Variants in TMPRSS6 observed in about 807,000 individuals in gnomAD.
The protein encoded by TMPRSS6 is transmembrane protease serine 6.
A neutral mutation model predicts 101.5 loss-of-function variants in TMPRSS6; 67 were observed. The observed-to-expected ratio is 0.66, with a 90% CI of 0.54 to 0.81. The LOEUF (loss-of-function observed/expected upper bound fraction) is 0.81, where lower values mean the gene tolerates loss of function less well. Ranked by LOEUF, TMPRSS6 falls within the 30% of genes least tolerant of loss-of-function variation. The probability of loss-of-function intolerance (pLI) is 0.00; values close to 1 mark genes in which losing one functional copy is unlikely to be tolerated. For missense variants in TMPRSS6, 1,034 were observed against 1,088.7 expected, an observed-to-expected ratio of 0.95 and a Z score of 0.71; for synonymous variants, 453 against 464.9, an observed-to-expected ratio of 0.97 and a Z score of 0.33.
intron 7 of TMPRSS6, among the ~76,000 whole-genome samples, chr22:37,087,391 G>A (rs1214290076): frequency 6.6e-6 from 1 of 152,224 alleles, no homozygotes; most frequent in African/African-American, 2.4e-5. Context: ...TGGCAAGCGA[G>A]TACCTGAGCT....
chr22:37,095,642 AAAG>A, intron 5 of TMPRSS6, 50 bp from the exon 6 acceptor site: 7 of 1,518,304 alleles, frequency 4.6e-6, no homozygotes, highest in South Asian at 1.2e-5. Context: ...AAAAAAAAAA[AAAG>A]AAAAGAAAAT....
At chr22:37,097,214 A>G (rs1389440087) in intron 3 of TMPRSS6, among the ~76,000 whole-genome samples, 3 of 152,216 alleles carry the variant, frequency 2.0e-5, no homozygotes, top group Non-Finnish European at 4.4e-5. Flanking sequence ...TCCTGTTGTT[A>G]TCACCCCTAC....
At chr22:37,094,543 T>TGATAGATAGATAGATAGATA (rs6147615) in intron 6 of TMPRSS6, among the ~76,000 whole-genome samples, 21,429 of 150,728 alleles carry the variant, frequency 0.14, 1,802 homozygotes, top group African/African-American at 0.23. Flanking sequence ...TCAACAGAGA[T>TGATAGATAGATAGATAGATA]GATAGATAGA....
intron 10 of TMPRSS6, among the ~76,000 whole-genome samples, chr22:37,078,941 AGGAGAAGGAGAAAAAGAG>A (rs1927964614): frequency 1.7e-5 from 1 of 59,262 alleles, no homozygotes; most frequent in Non-Finnish European, 3.2e-5. Flanking sequence ...AAGAAGGAGA[AGGAGAAGGAGAAAAAGAG>A]AAAGAAAGAA....
Position 37,103,160 on chromosome 22 carries a change from T to C in TMPRSS6, c.202+56A>G. The stretch of plus-strand genomic sequence containing the variant: ...CCCAGTCCTGTCCTGCTGTGCCTGC[T>C]ACAGTCACCCCAAGTCCTCCCCAGG... On this transcript the variant is annotated intron_variant, in intron 2 of 17. Transcript: ENST00000676104. This position sits in a 1 kb window ranked among gnomAD's most constrained non-coding sequence, Gnocchi z 4.4. The C allele has an allele frequency of 6.3e-7, 1 of 1,581,380 alleles. No homozygotes were observed. The highest frequency in any genetic ancestry group is 8.7e-7 in the Non-Finnish European group (1 of 1,153,004).
At chr22:37,081,037 T>C (rs1928226518) in intron 10 of TMPRSS6, among the ~76,000 whole-genome samples, 2 of 152,250 alleles carry the variant, frequency 1.3e-5, no homozygotes, top group Non-Finnish European at 2.9e-5. Flanking sequence ...CTCAAAGAGC[T>C]GGGTGACTTT....
intron 1 of TMPRSS6, among the ~76,000 whole-genome samples, chr22:37,108,631 G>A (rs921136019): frequency 6.6e-6 from 1 of 152,200 alleles, no homozygotes; most frequent in Admixed American, 6.5e-5. Context: ...CAACCACTGC[G>A]TATGAACTCC....
At chr22:37,081,477 G>T (rs1928264396) in intron 10 of TMPRSS6, among the ~76,000 whole-genome samples, 1 of 152,200 alleles carries the variant, frequency 6.6e-6, no homozygotes. Context: ...AACTTGTATG[G>T]GAGACAATAG....
intron 11 of TMPRSS6, 94 bp downstream of exon 11, chr22:37,075,041 C>T: frequency 6.3e-7 from 1 of 1,593,644 alleles, no homozygotes; most frequent in South Asian, 1.1e-5. Context: ...TGTTCAGCCT[C>T]ATAAGCAGCT....
At chr22:37,104,874 T>C (rs1004670692) in intron 1 of TMPRSS6, among the ~76,000 whole-genome samples, 2 of 151,416 alleles carry the variant, frequency 1.3e-5, no homozygotes, top group African/African-American at 4.9e-5. Flanking sequence ...GGCAGGAGAA[T>C]CACTTGAACC....
intron 10 of TMPRSS6, among the ~76,000 whole-genome samples, chr22:37,079,431 G>T (rs1429450298): frequency 3.3e-5 from 5 of 152,124 alleles, no homozygotes; most frequent in Non-Finnish European, 7.4e-5. Context: ...TGGATGGATG[G>T]ATGGATGGAA....
chr22:37,078,916 AAG>A (rs1927955749), intron 10 of TMPRSS6, among the ~76,000 whole-genome samples: 1 of 135,496 alleles, frequency 7.4e-6, no homozygotes, highest in Admixed American at 7.0e-5. Flanking sequence ...AGAAAGAAGA[AAG>A]AGAAAGAAGA....
intron 16 of TMPRSS6, among the ~76,000 whole-genome samples, chr22:37,068,373 T>C (rs1926533909): frequency 6.6e-6 from 1 of 152,230 alleles, no homozygotes; most frequent in African/African-American, 2.4e-5. Flanking sequence ...TGCTTCCAGA[T>C]TGTAAGTCAC....
intron 13 of TMPRSS6, among the ~76,000 whole-genome samples, chr22:37,073,242 T>C (rs1927306711): frequency 6.7e-6 from 1 of 150,242 alleles, no homozygotes; most frequent in Admixed American, 6.6e-5. Flanking sequence ...ATGGGTAGAT[T>C]GACAGTTTGA....
chr22:37,079,238 T>C (rs1408754099), intron 10 of TMPRSS6, among the ~76,000 whole-genome samples: 3 of 152,240 alleles, frequency 2.0e-5, no homozygotes, highest in African/African-American at 7.2e-5. Flanking sequence ...GCCTGACTGC[T>C]GCGATGCCTG....
intron 3 of TMPRSS6, among the ~76,000 whole-genome samples, chr22:37,097,755 G>GGTCA (rs1929910624): frequency 8.6e-6 from 1 of 116,130 alleles, no homozygotes; most frequent in East Asian, 2.4e-4. Context: ...GGCAGGAGCG[G>GGTCA]CCACTGTCCT....
At chr22:37,081,392 T>C (rs1290790521) in intron 10 of TMPRSS6, among the ~76,000 whole-genome samples, 1 of 152,236 alleles carries the variant, frequency 6.6e-6, no homozygotes, top group Non-Finnish European at 1.5e-5. Flanking sequence ...CTGGCCTGTC[T>C]GGCTTCGACA....
chr22:37,085,971 C>T lies in TMPRSS6; in HGVS notation c.973+312G>A, dbSNP rs114016505. Among the ~76,000 whole-genome samples the T allele has an allele frequency of 5.5e-3, 837 of 151,366 alleles. 9 individuals are homozygous for T. Among genetic ancestry groups the T allele is most frequent in the African/African-American group, 0.019 (803 of 41,204 alleles). ...CAGGCGAGTGAGGAGGGAGGAGAGG[C>T]GGTCAGCACAGAAAAGAGAAAAGGA... On this transcript the variant is annotated intron_variant, in intron 8 of 17. Coordinates refer to ENST00000676104, the MANE Select transcript of TMPRSS6 (RefSeq NM_001374504.1).
chr22:37,086,351 A>G lies in TMPRSS6; in HGVS notation c.905T>C (p.Val302Ala), dbSNP rs373378518. 3.5e-5 allele frequency: 57 copies of G among 1,612,902 alleles called. No individual in the cohort carries two copies. The South Asian group carries it at 5.3e-4, about 15-fold the overall frequency. The change falls in exon 8 of 18, where the codon GTC (valine) becomes GCC (alanine). Residue 302 changes from valine to alanine, a missense_variant. Val to Ala is a moderately conservative substitution (Grantham distance 64). Transcript: ENST00000676104. ...VLASGAIMAVVWKKGLHSYYD... is the reference protein window; with the variant it reads ...VLASGAIMAVAWKKGLHSYYD... ...GTAGCTGTGCAGGCCCTTCTTCCAG[A>G]CGACCGCCATGATGGCCCCCGACGC...
Sources: allele counts gnomAD v4.1 joint callset (sites outside exome capture counted in the v4.1 genomes callset), GRCh38; gene constraint gnomAD v4.1.1; non-coding constraint Gnocchi (gnomAD v3.1); transcripts MANE v1.5; gene names NCBI Gene and HGNC (gene_info 2026-07-23, HGNC 2026-07-21).